CSMD1: variants seen among roughly 807,000 people sequenced by gnomAD.
CSMD1 encodes the protein CUB and sushi domain-containing protein 1.
Under a neutral mutation model 417.5 loss-of-function variants are expected in CSMD1, and 213 were observed. The ratio of observed to expected loss-of-function variants is 0.51; its 90% CI spans 0.46 to 0.57. The LOEUF (loss-of-function observed/expected upper bound fraction) is 0.57, where lower values mean the gene tolerates loss of function less well. CSMD1 is among the 20% of genes least tolerant of loss of function. The pLI is 0.00. For synonymous variants in CSMD1, 2,862 were observed against 1,736.8 expected, an observed-to-expected ratio of 1.65 and a Z score of -16.11; for missense variants, 6,923 against 4,529.7, an observed-to-expected ratio of 1.53 and a Z score of -15.17.
rs1045574028 is a variant in CSMD1 at position 4,955,661 on chromosome 8, G to T, written c.85+38671C>A. 4.6e-5 allele frequency among the ~76,000 whole-genome samples: 7 copies of T among 152,060 alleles called. No homozygotes were observed. In the East Asian group the frequency reaches 1.4e-3, roughly 29 times the overall value. On this transcript the variant is annotated intron_variant, in intron 1 of 69. Coordinates refer to ENST00000635120, the MANE Select transcript of CSMD1 (RefSeq NM_033225.6). Reference sequence around the variant, plus strand: ...AATAGAGACGGGCTTTCCCCATATTGGCCAGGCTGGTCTCGAACTCCTGAC... The same window carrying T: ...AATAGAGACGGGCTTTCCCCATATTTGCCAGGCTGGTCTCGAACTCCTGAC...
rs571729050 is a variant in CSMD1 at position 3,203,332 on chromosome 8, G to A, written c.4985-1607C>T. Among the ~76,000 whole-genome samples, 60 of 152,268 alleles carry A rather than the reference G, an allele frequency of 3.9e-4. 1 individual carries two copies. Among genetic ancestry groups the A allele is most frequent in the African/African-American group, 1.2e-3 (50 of 41,560 alleles). ...GGTTCTAACCCGTCACACACACTGA[G>A]TCCCAGTGAGCAAACTCAATTGCCA... On this transcript the variant is annotated intron_variant, in intron 31 of 69. Transcript: ENST00000635120.
chr8:3,376,284 A>G (rs1226318363), intron 18 of CSMD1, among the ~76,000 whole-genome samples: 1 of 152,064 alleles, frequency 6.6e-6, no homozygotes, highest in East Asian at 1.9e-4. Context: ...GCAAGTATGG[A>G]TGAAAAGGGT....
Position 3,214,614 on chromosome 8 carries a change from A to C in CSMD1, c.4750T>G (p.Ser1584Ala). The C allele has an allele frequency of 6.4e-7, 1 of 1,560,070 alleles. No homozygotes were observed. Among genetic ancestry groups the C allele is most frequent in the Non-Finnish European group, 8.7e-7 (1 of 1,151,470 alleles). Residue 1584 changes from serine (S) to alanine (A), a missense_variant, in exon 30 of 70, where the codon TCC becomes GCC. Physicochemically the swap from Ser to Ala is moderately conservative, Grantham distance 99. Transcript: ENST00000635120. Reference protein sequence around the residue: ...TRVGTDFKLGSTITYQCDSGY... With the variant: ...TRVGTDFKLGATITYQCDSGY... ...GAGTCACACTGGTAGGTGATGGTGG[A>C]GCCAAGCTTGAAGTCTGTTCCAACT...
chr8:3,649,554 G>A (rs1797739526), intron 7 of CSMD1, among the ~76,000 whole-genome samples: 1 of 152,116 alleles, frequency 6.6e-6, no homozygotes, highest in Admixed American at 6.5e-5. Flanking sequence ...GTGGCAGGAA[G>A]GAGAAGTGCT....
rs576338931 is a variant in CSMD1 at position 3,675,183 on chromosome 8, C to A, written c.1009+33231G>T. Among the ~76,000 whole-genome samples the A allele has an allele frequency of 2.6e-5, 4 of 152,284 alleles. No homozygotes were observed. The South Asian group carries it at 6.2e-4, about 24-fold the overall frequency. The stretch of plus-strand genomic sequence containing the variant: ...CACATGTCTTTCCCCACTAGTGGCT[C>A]CTTTTCTCCTCACAGAAGGCCTGAC... On this transcript the variant is annotated intron_variant, in intron 7 of 69. Coordinates refer to ENST00000635120, the MANE Select transcript of CSMD1 (RefSeq NM_033225.6).
intron 2 of CSMD1, among the ~76,000 whole-genome samples, chr8:4,451,087 A>C (rs1002428481): frequency 1.3e-5 from 2 of 152,196 alleles, no homozygotes; most frequent in African/African-American, 4.8e-5. Context: ...GCACTTTGGG[A>C]GGCCAAGGCA....
intron 3 of CSMD1, among the ~76,000 whole-genome samples, chr8:4,172,515 T>C (rs1797822939): frequency 1.3e-5 from 2 of 151,894 alleles, no homozygotes; most frequent in Non-Finnish European, 2.9e-5. Flanking sequence ...GGATCAACAA[T>C]ATTCTCTAAC....
chr8:4,105,394 T>C (rs1320986881), intron 3 of CSMD1, among the ~76,000 whole-genome samples: 1 of 152,168 alleles, frequency 6.6e-6, no homozygotes, highest in East Asian at 1.9e-4. Context: ...AGAAGGTGTT[T>C]ATAGAAAAGT....
At chr8:4,825,268 C>T (rs1799759409) in intron 1 of CSMD1, among the ~76,000 whole-genome samples, 1 of 152,078 alleles carries the variant, frequency 6.6e-6, no homozygotes, top group Non-Finnish European at 1.5e-5. Context: ...ACACCCATGA[C>T]ACAATCACCC....
intron 5 of CSMD1, among the ~76,000 whole-genome samples, chr8:3,949,505 T>A (rs1325260091): frequency 1.3e-5 from 2 of 152,172 alleles, no homozygotes; most frequent in African/African-American, 4.8e-5. Flanking sequence ...ATTATTACAC[T>A]GTCAGGAGCA....
At chr8:4,149,950 G>C (rs1018376906) in intron 3 of CSMD1, among the ~76,000 whole-genome samples, 1 of 152,194 alleles carries the variant, frequency 6.6e-6, no homozygotes, top group Admixed American at 6.5e-5. Context: ...AGGAAATTCT[G>C]TGATGTGGTA....
At chr8:4,186,757 C>T (rs1325841361) in intron 3 of CSMD1, among the ~76,000 whole-genome samples, 4 of 151,310 alleles carry the variant, frequency 2.6e-5, no homozygotes, top group Non-Finnish European at 5.9e-5. Context: ...GAAGCTGAGG[C>T]GGGTGGATCA....
rs140472307 is a variant in CSMD1, at chr8:3,970,412, C to T, written c.818+27491G>A. Reference sequence around the variant, plus strand: ...TGAAACGAGATTGATTAGGAGGGAACAATATGGATTTTATTACCCCAGGAC... The same window carrying T: ...TGAAACGAGATTGATTAGGAGGGAATAATATGGATTTTATTACCCCAGGAC... On this transcript the variant is annotated intron_variant, in intron 5 of 69. Coordinates refer to ENST00000635120, the MANE Select transcript of CSMD1 (RefSeq NM_033225.6). 1.1e-4 allele frequency among the ~76,000 whole-genome samples: 17 copies of T among 152,234 alleles called. No homozygotes were observed. In the East Asian group the frequency reaches 2.3e-3, roughly 21 times the overall value.
At chr8:4,854,518 G>C (rs1460759343) in intron 1 of CSMD1, among the ~76,000 whole-genome samples, 2 of 152,188 alleles carry the variant, frequency 1.3e-5, no homozygotes, top group Admixed American at 6.5e-5. Context: ...CATCTCACTA[G>C]GGAGTGCCAG....
chr8:2,986,452 G>C (rs1223709087), intron 54 of CSMD1, among the ~76,000 whole-genome samples: 1 of 152,016 alleles, frequency 6.6e-6, no homozygotes, highest in Admixed American at 6.6e-5. Flanking sequence ...TCTCTACTCA[G>C]CAACACTCCC....
At chr8:3,955,524 A>T (rs1585028892) in intron 5 of CSMD1, among the ~76,000 whole-genome samples, 1 of 152,186 alleles carries the variant, frequency 6.6e-6, no homozygotes, top group South Asian at 2.1e-4. Flanking sequence ...CCAACCTCTA[A>T]TAAGTCAGTA....
In CSMD1 at chr8:3,147,534, G is replaced by C. The variant is rs1021348100; in HGVS notation, c.6031+3863C>G. Reference sequence around the variant, plus strand: ...CATTTCCTACTTCAGCTGGGGCACTGAGTCAGAATTTAGGAAAGAGACCAC... The same window carrying C: ...CATTTCCTACTTCAGCTGGGGCACTCAGTCAGAATTTAGGAAAGAGACCAC... On this transcript the variant is annotated intron_variant, in intron 40 of 69. Transcript: ENST00000635120. Among the ~76,000 whole-genome samples the C allele has an allele frequency of 5.3e-5, 8 of 152,294 alleles. 1 individual carries two copies. The highest frequency in any genetic ancestry group is 6.8e-3 in the Middle Eastern group (2 of 294).
intron 1 of CSMD1, among the ~76,000 whole-genome samples, chr8:4,781,680 T>C (rs112074901): frequency 2.0e-5 from 3 of 152,190 alleles, no homozygotes; most frequent in African/African-American, 7.2e-5. Context: ...GTATCGGTCA[T>C]GAAGAAGTCA....
intron 8 of CSMD1, among the ~76,000 whole-genome samples, chr8:3,613,951 G>T (rs919600424): frequency 2.0e-5 from 3 of 151,694 alleles, no homozygotes; most frequent in Non-Finnish European, 2.9e-5. Flanking sequence ...AAAAAAATCC[G>T]ATTGGAAAGC....
Sources: allele counts gnomAD v4.1 joint callset (sites outside exome capture counted in the v4.1 genomes callset), GRCh38; gene constraint gnomAD v4.1.1; transcripts MANE v1.5; gene names NCBI Gene and HGNC (gene_info 2026-07-23, HGNC 2026-07-21).